Variants in NOL9 observed in about 807,000 individuals in gnomAD.
NOL9 encodes nucleolar protein 9, also known as polynucleotide 5'-hydroxyl-kinase NOL9.
In NOL9, 28 loss-of-function variants were observed where a neutral mutation model predicts 67.9. That is an observed-to-expected ratio of 0.41 (90% CI 0.31 to 0.57). The LOEUF (loss-of-function observed/expected upper bound fraction) is 0.57, where lower values mean the gene tolerates loss of function less well. NOL9 is among the 20% of genes least tolerant of loss of function. The pLI, the probability that NOL9 is intolerant of heterozygous loss-of-function variation, is 0.25. For missense variants in NOL9, 777 were observed against 897.0 expected (o/e 0.87, Z 1.71); for synonymous variants, 356 against 352.2 (o/e 1.01, Z -0.12).
chr1:6,526,869 A>G lies in NOL9; in HGVS notation c.1826-40T>C, dbSNP rs778056101. ...CACAACACAAAAATCACCCTTTTGG[A>G]AAACATCAAACTTCTCCATCGTTAG... On this transcript the variant is annotated intron_variant, in intron 10 of 11. Transcript: ENST00000377705. 3.9e-6 allele frequency: 6 copies of G among 1,535,044 alleles called. No individual in the cohort carries two copies. In the South Asian group the frequency reaches 7.5e-5, roughly 19 times the overall value.
intron 6 of NOL9, among the ~76,000 whole-genome samples, chr1:6,535,764 TAA>T (rs35952390): frequency 1.3e-5 from 2 of 151,756 alleles, no homozygotes; most frequent in African/African-American, 4.8e-5. Context: ...CCACCTCTAC[TAA>T]AAATACAAAA....
At chr1:6,535,727 G>A (rs924090279) in intron 6 of NOL9, among the ~76,000 whole-genome samples, 6 of 152,100 alleles carry the variant, frequency 3.9e-5, no homozygotes, top group Non-Finnish European at 8.8e-5. Flanking sequence ...GGGAGTTCGA[G>A]ACCAGCCTGG....
chr1:6,534,097 G>T (rs1223765946), intron 6 of NOL9, among the ~76,000 whole-genome samples: 2 of 152,002 alleles, frequency 1.3e-5, no homozygotes, highest in African/African-American at 4.8e-5. Context: ...ATGTTGGTCA[G>T]GCTGGTCTTG....
At position 6,525,695 on chromosome 1, in the gene NOL9, A is replaced by C; in HGVS notation, c.*159T>G. 1 of 745,558 alleles carries C rather than the reference A, an allele frequency of 1.3e-6. No homozygotes were observed. The highest frequency in any genetic ancestry group is 2.2e-6 in the Non-Finnish European group (1 of 446,280). The allele number at this position is 745,558 out of a possible 1,614,324, so 46.2% of individuals were successfully genotyped here. Reference sequence around the variant, plus strand: ...TAGCTCATGCAGCTTTAAAAGAGAAACTTAAGACTACTATATGACATTCAC... The same window carrying C: ...TAGCTCATGCAGCTTTAAAAGAGAACCTTAAGACTACTATATGACATTCAC... On this transcript the variant is annotated 3_prime_UTR_variant, in exon 12 of 12. Transcript: ENST00000377705.
Position 6,554,407 on chromosome 1 carries a change from C to G in NOL9, c.96G>C (p.Arg32=). The part of the protein sequence containing the change: ...KARPQLILSR[R]PRRRLGSLRW... ...GCAGGCTCCCGAGCCGGCGGCGGGGCCGGCGGCTGAGGATGAGCTGGGGCC... is the reference window on the plus strand; with the variant it reads ...GCAGGCTCCCGAGCCGGCGGCGGGGGCGGCGGCTGAGGATGAGCTGGGGCC... Residue 32 remains arginine (R), a synonymous_variant, in exon 1 of 12, where the codon CGG becomes CGC. Coordinates refer to ENST00000377705, the MANE Select transcript of NOL9 (RefSeq NM_024654.5). The G allele has an allele frequency of 1.3e-6, 2 of 1,507,230 alleles. No homozygotes were observed. The allele number at this position is 1,507,230 out of a possible 1,614,324, so 93.4% of individuals were successfully genotyped here. A position where few individuals can be genotyped will look rare whatever the true frequency, so the allele number is the denominator to read the frequency against.
Position 6,550,520 on chromosome 1 carries a change from G to A in NOL9, c.492C>T (p.Asp164=), listed in dbSNP as rs777843842. 25 of 1,614,002 alleles carry A rather than the reference G, an allele frequency of 1.5e-5. No homozygotes were observed. In the South Asian group the frequency reaches 2.7e-4, roughly 18 times the overall value. ...AAGAGTGGGTATACACAGAGAAGAT[G>A]TCTTGGGCAGGCTGGCCTTGGCTGA... ...FTISQGQPAQ[D]IFSVYTHSCL... The change falls in exon 2 of 12, where the codon GAC becomes GAT. Residue 164 remains aspartate, a synonymous_variant. Coordinates refer to ENST00000377705, the MANE Select transcript of NOL9 (RefSeq NM_024654.5).
rs200987775 is a variant in NOL9 at position 6,549,675 on chromosome 1, T to C, written c.640A>G (p.Asn214Asp). Residue 214 changes from asparagine to aspartate, a missense_variant, in exon 3 of 12, where the codon AAT becomes GAT. Coordinates refer to ENST00000377705, the MANE Select transcript of NOL9 (RefSeq NM_024654.5). ...ACAATGGAACACTGAGGAGAAAAAT[T>C]CTGCATCGACCAACGCCTGTCATCT... ...NLDDRRWSMQ[N>D]FSPQCSIVLL... 4.2e-5 allele frequency: 68 copies of C among 1,614,134 alleles called. No homozygotes were observed. In the East Asian group the frequency reaches 1.5e-3, roughly 36 times the overall value.
Position 6,522,704 on chromosome 1 carries a change from T to G in NOL9, c.*3150A>C. The G allele has an allele frequency of 6.6e-6, 1 of 150,752 alleles. No individual in the cohort carries two copies. The allele number at this position is 150,752 out of a possible 1,614,324, so 9.3% of individuals were successfully genotyped here. The stretch of plus-strand genomic sequence containing the variant: ...TTCGAGACCAGCCTGACCAACATGG[T>G]GAAACCCTGTCTCTACTAAAAATAC... On this transcript the variant is annotated 3_prime_UTR_variant, in exon 12 of 12. Coordinates refer to ENST00000377705, the MANE Select transcript of NOL9 (RefSeq NM_024654.5).
In NOL9 at chr1:6,552,048, G is replaced by A. The variant is rs12031325; in HGVS notation, c.397-1433C>T. ...AGACTCCATCTCAAAAAAAAAGAAA[G>A]AAAATCAAAATATGGTATGTTCTCA... On this transcript the variant is annotated intron_variant, in intron 1 of 11. Coordinates refer to ENST00000377705, the MANE Select transcript of NOL9 (RefSeq NM_024654.5). Among the ~76,000 whole-genome samples, 605 of 152,160 alleles carry A rather than the reference G, an allele frequency of 4.0e-3. 5 individuals carry two copies. Among genetic ancestry groups the A allele is most frequent in the East Asian group, 0.035 (181 of 5,180 alleles).
In NOL9 at chr1:6,525,891, G is replaced by A; in HGVS notation, c.2072C>T (p.Pro691Leu). Residue 691 changes from proline to leucine, a missense_variant, in exon 12 of 12, where the codon CCA becomes CTA. Pro to Leu is a moderately conservative substitution (Grantham distance 98). Coordinates refer to ENST00000377705, the MANE Select transcript of NOL9 (RefSeq NM_024654.5). ...REPEEAHKEK[P>L]YRRPKFCRKM... ...TCGACAGAACTTAGGTCTTCGGTAT[G>A]GTTTCTCTTTATGTGCCTCCTCAGG... 1 of 1,614,102 alleles carries A rather than the reference G, an allele frequency of 6.2e-7. No individual in the cohort carries two copies. The highest frequency in any genetic ancestry group is 8.5e-7 in the Non-Finnish European group (1 of 1,180,010).
At chr1:6,544,070 G>A (rs1023651067) in intron 5 of NOL9, among the ~76,000 whole-genome samples, 6 of 152,134 alleles carry the variant, frequency 3.9e-5, no homozygotes, top group African/African-American at 1.4e-4. Context: ...AGGTTGCAGT[G>A]AGCAGAGAAC....
intron 3 of NOL9, among the ~76,000 whole-genome samples, chr1:6,548,830 C>T (rs1464958650): frequency 1.3e-5 from 2 of 152,096 alleles, no homozygotes; most frequent in South Asian, 4.1e-4. Flanking sequence ...ACCTGTAATC[C>T]CAGCACTTTG....
chr1:6,541,923 G>A lies in NOL9; in HGVS notation c.982C>T (p.Pro328Ser). 2 of 1,580,894 alleles carry A rather than the reference G, an allele frequency of 1.3e-6. No homozygotes were observed. Among genetic ancestry groups the A allele is most frequent in the Non-Finnish European group, 1.7e-6 (2 of 1,166,366 alleles). ...TCACATTCCAAATAGTCAACGCAGG[G>A]AAGACTGCAAATTTTTAAAAAAGAA... Reference protein sequence around the residue: ...YLINHLLNSLPCVDYLECDLG... With the variant: ...YLINHLLNSLSCVDYLECDLG... Residue 328 changes from proline to serine, a missense_variant, in exon 6 of 12, where the codon CCC (proline) becomes TCC (serine). Physicochemically the swap from Pro to Ser is moderately conservative, Grantham distance 74. Around this residue, in one of 2 missense-constraint regions of NOL9, gnomAD observed 413 missense variants for 552.6 expected, o/e 0.75. Coordinates refer to ENST00000377705, the MANE Select transcript of NOL9 (RefSeq NM_024654.5).
chr1:6,548,179 T>A (rs1325485093), intron 3 of NOL9: 2 of 140,016 alleles, frequency 1.4e-5, no homozygotes, highest in South Asian at 2.0e-4. Context: ...GGATTCTCAC[T>A]CTGTCTCCCA....
rs778224223 is a variant in NOL9 at position 6,525,720 on chromosome 1, C to T, written c.*134G>A. 6.0e-5 allele frequency: 54 copies of T among 905,984 alleles called. No homozygotes were observed. The highest frequency in any genetic ancestry group is 9.2e-5 in the Non-Finnish European group (53 of 577,850). The allele number at this position is 905,984 out of a possible 1,614,324, so 56.1% of individuals were successfully genotyped here. ...ACTTAAGACTACTATATGACATTCA[C>T]GAATTACACAAAAAACACTGTTGCT... On this transcript the variant is annotated 3_prime_UTR_variant, in exon 12 of 12. Coordinates refer to ENST00000377705, the MANE Select transcript of NOL9 (RefSeq NM_024654.5).
chr1:6,544,313 G>A (rs1409024556), intron 5 of NOL9, among the ~76,000 whole-genome samples: 25 of 151,258 alleles, frequency 1.7e-4, no homozygotes, highest in Admixed American at 1.7e-3. Context: ...AAAATTCCCA[G>A]GAGTTTGAGA....
Position 6,554,372 on chromosome 1 carries a change from C to A in NOL9, c.131G>T (p.Gly44Val). The change falls in exon 1 of 12, where the codon GGT becomes GTT. Residue 44 changes from glycine to valine, a missense_variant. Coordinates refer to ENST00000377705, the MANE Select transcript of NOL9 (RefSeq NM_024654.5). ...TAACCGCCACCGTAGGCGCCGCCGA[C>A]CGCACCAGCGCAGGCTCCCGAGCCG... ...RRRLGSLRWCGRRRLRWRLLQ... is the reference protein window; with the variant it reads ...RRRLGSLRWCVRRRLRWRLLQ... 1 of 1,469,024 alleles carries A rather than the reference C, an allele frequency of 6.8e-7. No homozygotes were observed. Among genetic ancestry groups the A allele is most frequent in the Non-Finnish European group, 8.9e-7 (1 of 1,121,322 alleles). 91.0% of individuals were successfully genotyped at this position (1,469,024 alleles called of 1,614,324 possible).
rs1443202827 is a variant in NOL9 at position 6,554,489 on chromosome 1, C to T, written c.14G>A (p.Gly5Glu). The change falls in exon 1 of 12, where the codon GGA (glycine) becomes GAA (glutamate). Residue 5 changes from glycine (G) to glutamate (E), a missense_variant. By Grantham distance (98) the Gly-to-Glu change is moderately conservative. Coordinates refer to ENST00000377705, the MANE Select transcript of NOL9 (RefSeq NM_024654.5). The stretch of plus-strand genomic sequence containing the variant: ...GCAGGAACCCCGCTTTAGCAGCAGT[C>T]CCGAGTCCGCCATGCTGGGTCCTCA... Reference protein sequence around the residue: MADSGLLLKRGSCRS... With the variant: MADSELLLKRGSCRS... 6.5e-7 allele frequency: 1 copy of T among 1,540,874 alleles called. No homozygotes were observed. Among genetic ancestry groups the T allele is most frequent in the African/African-American group, 1.4e-5 (1 of 70,394 alleles).
intron 1 of NOL9, 66 bp from the exon 2 acceptor site, chr1:6,550,681 A>ATTT: frequency 1.0e-6 from 1 of 1,002,488 alleles, no homozygotes. Flanking sequence ...ACATTCTAAA[A>ATTT]TCTTTTTTTT....
Sources: gnomAD v4.1 joint callset for allele counts (sites outside exome capture counted in the v4.1 genomes callset) on GRCh38, gnomAD v4.1.1 for gene constraint, gnomAD v4.1.1 regional missense constraint, MANE v1.5 for transcripts, NCBI Gene and HGNC (gene_info 2026-07-23, HGNC 2026-07-21) for gene names.